Variants in GPC5 observed in about 807,000 individuals in gnomAD.
GPC5 encodes the protein glypican-5.
In GPC5, 47 loss-of-function variants were observed where a neutral mutation model predicts 53.9. That is an observed-to-expected ratio of 0.87 (90% CI 0.69 to 1.11). The LOEUF (loss-of-function observed/expected upper bound fraction) is 1.11. Ranked by LOEUF, GPC5 falls within the 50% of genes most tolerant of loss-of-function variation. The probability of loss-of-function intolerance (pLI) is 0.00; values close to 1 mark genes in which losing one functional copy is unlikely to be tolerated. For synonymous variants in GPC5, 286 were observed against 263.3 expected (o/e 1.09, Z -0.84); for missense variants, 748 against 713.1 (o/e 1.05, Z -0.56).
intron 5 of GPC5, among the ~76,000 whole-genome samples, chr13:91,852,186 T>C (rs987554089): frequency 4.6e-5 from 7 of 152,060 alleles, no homozygotes; most frequent in Admixed American, 4.6e-4. Flanking sequence ...TTTAATTTTT[T>C]TCTTTATATT....
chr13:91,955,830 C>T (rs1255552399), intron 6 of GPC5, among the ~76,000 whole-genome samples: 2 of 152,194 alleles, frequency 1.3e-5, no homozygotes, highest in Non-Finnish European at 2.9e-5. Flanking sequence ...CTAAACACAT[C>T]GCTACAACTC....
chr13:92,644,687 A>G (rs1276109413), intron 7 of GPC5, among the ~76,000 whole-genome samples: 1 of 152,180 alleles, frequency 6.6e-6, no homozygotes, highest in East Asian at 1.9e-4. Flanking sequence ...TATGCATGAA[A>G]TATTGTAATA....
intron 2 of GPC5, among the ~76,000 whole-genome samples, chr13:91,691,258 C>A (rs934621228): frequency 2.6e-5 from 4 of 152,136 alleles, no homozygotes; most frequent in Non-Finnish European, 4.4e-5. Context: ...CAAAAACTGG[C>A]CAGGTTAAAA....
chr13:92,174,754 G>A (rs932965579), intron 7 of GPC5, among the ~76,000 whole-genome samples: 3 of 151,888 alleles, frequency 2.0e-5, no homozygotes, highest in South Asian at 2.1e-4. Flanking sequence ...GTGTGCAGAA[G>A]AAAAAACAAA....
At chr13:92,536,757 T>C (rs1052186449) in intron 7 of GPC5, among the ~76,000 whole-genome samples, 1 of 152,052 alleles carries the variant, frequency 6.6e-6, no homozygotes, top group Non-Finnish European at 1.5e-5. Flanking sequence ...CAAAGTCTTT[T>C]GGTATAAATT....
At chr13:92,120,486 C>T (rs2041640097) in intron 6 of GPC5, among the ~76,000 whole-genome samples, 1 of 152,102 alleles carries the variant, frequency 6.6e-6, no homozygotes, top group Non-Finnish European at 1.5e-5. Context: ...TCTCAAACTT[C>T]TGGACTCAAG....
chr13:92,317,027 C>A (rs1023498921), intron 7 of GPC5, among the ~76,000 whole-genome samples: 2 of 152,234 alleles, frequency 1.3e-5, no homozygotes, highest in South Asian at 4.1e-4. Context: ...ACAGAAAATT[C>A]TATTTCAAGT....
intron 1 of GPC5, among the ~76,000 whole-genome samples, chr13:91,403,935 G>A (rs1359413368): frequency 6.6e-6 from 1 of 152,062 alleles, no homozygotes; most frequent in East Asian, 1.9e-4. Flanking sequence ...TATTATATAT[G>A]TCCCCATTCT....
intron 2 of GPC5, among the ~76,000 whole-genome samples, chr13:91,492,941 C>A (rs927858039): frequency 2.7e-4 from 41 of 152,190 alleles, no homozygotes; most frequent in Non-Finnish European, 5.3e-4. Flanking sequence ...CCACCTCTTT[C>A]CCCCCAGTGC....
chr13:92,572,184 T>C (rs1883047714), intron 7 of GPC5, among the ~76,000 whole-genome samples: 1 of 152,208 alleles, frequency 6.6e-6, no homozygotes, highest in African/African-American at 2.4e-5. Flanking sequence ...AATACATTTG[T>C]TTTTGTATAA....
intron 2 of GPC5, among the ~76,000 whole-genome samples, chr13:91,644,127 TTAAGATTA>T (rs1256534555): frequency 1.3e-5 from 2 of 152,154 alleles, no homozygotes; most frequent in Non-Finnish European, 2.9e-5. Flanking sequence ...ACTAGAAACT[TTAAGATTA>T]TGTATGTGGC....
rs557213376 is a variant in GPC5, at chr13:92,057,292, A to T, written c.1402-87538A>T. 1.3e-3 allele frequency among the ~76,000 whole-genome samples: 132 copies of T among 100,902 alleles called. 1 individual carries two copies. In the Middle Eastern group the frequency reaches 0.054, roughly 41 times the overall value. The allele number at this position is 100,902 out of a possible 152,430, so 66.2% of individuals were successfully genotyped here. A position where few individuals can be genotyped will look rare whatever the true frequency, so the allele number is the denominator to read the frequency against. On this transcript the variant is annotated intron_variant, in intron 6 of 7. Transcript: ENST00000377067. ...TGAAGTGACAGAAATGTGGAAAACA[A>T]AAAAACAAAAAACAAAAAACAAACA...
chr13:91,961,720 A>G (rs2040127634), intron 6 of GPC5, among the ~76,000 whole-genome samples: 1 of 152,056 alleles, frequency 6.6e-6, no homozygotes, highest in African/African-American at 2.4e-5. Context: ...AGTAAAGATA[A>G]CTATTGTGTC....
intron 6 of GPC5, among the ~76,000 whole-genome samples, chr13:92,088,855 C>T (rs2041355733): frequency 6.6e-6 from 1 of 152,140 alleles, no homozygotes; most frequent in Non-Finnish European, 1.5e-5. Flanking sequence ...GAATATACAG[C>T]TTTTTAAACA....
chr13:92,474,294 C>T (rs1879018735), intron 7 of GPC5, among the ~76,000 whole-genome samples: 1 of 151,930 alleles, frequency 6.6e-6, no homozygotes, highest in Admixed American at 6.6e-5. Context: ...TGTAATAGGC[C>T]CATCCATCTG....
chr13:92,823,282 T>C (rs896345551), intron 7 of GPC5, among the ~76,000 whole-genome samples: 6 of 152,272 alleles, frequency 3.9e-5, no homozygotes, highest in East Asian at 1.9e-4. Context: ...TTTCTAAATG[T>C]CAGTTCCTGT....
chr13:92,676,892 G>A (rs1465743587), intron 7 of GPC5, among the ~76,000 whole-genome samples: 1 of 151,344 alleles, frequency 6.6e-6, no homozygotes, highest in African/African-American at 2.4e-5. Flanking sequence ...AGTGAGTTAA[G>A]GAGGAGGATC....
At chr13:91,602,275 A>C (rs1027397288) in intron 2 of GPC5, among the ~76,000 whole-genome samples, 8 of 152,210 alleles carry the variant, frequency 5.3e-5, no homozygotes, top group Non-Finnish European at 1.2e-4. Flanking sequence ...CTTTTAGATA[A>C]AAGTGAATCA....
chr13:92,532,636 A>G (rs1881600840), intron 7 of GPC5, among the ~76,000 whole-genome samples: 1 of 152,124 alleles, frequency 6.6e-6, no homozygotes, highest in Non-Finnish European at 1.5e-5. Flanking sequence ...TTTTCATTTT[A>G]TAATCTCTAA....
Sources: allele counts gnomAD v4.1 joint callset (sites outside exome capture counted in the v4.1 genomes callset), GRCh38; gene constraint gnomAD v4.1.1; transcripts MANE v1.5; gene names NCBI Gene and HGNC (gene_info 2026-07-23, HGNC 2026-07-21).